The following NME7 variants were observed in gnomAD, a reference collection of about 807,000 sequenced individuals.
NME7 encodes NME/NM23 family member 7, also known as nucleoside diphosphate kinase 7.
In NME7, 41 loss-of-function variants were observed where a neutral mutation model predicts 49.1. The observed-to-expected ratio is 0.83, with a 90% CI of 0.65 to 1.08. NME7 has a LOEUF of 1.08. NME7 is among the 50% of genes least tolerant of loss of function. NME7 has a pLI of 0.00. For synonymous variants in NME7, 139 were observed against 150.6 expected (o/e 0.92, Z 0.56); for missense variants, 423 against 463.4 (o/e 0.91, Z 0.80).
chr1:169,134,773 A>G (rs894262169), intron 11 of NME7, among the ~76,000 whole-genome samples: 2 of 152,144 alleles, frequency 1.3e-5, no homozygotes, highest in African/African-American at 4.8e-5. Context: ...TTGTTCAAGT[A>G]TAGCACTGAA....
At chr1:169,281,399 C>G (rs571596242) in intron 7 of NME7, among the ~76,000 whole-genome samples, 164 of 152,336 alleles carry the variant, frequency 1.1e-3, no homozygotes, top group Non-Finnish European at 1.9e-3. Context: ...CATCTGTAAA[C>G]AGAGACAATT....
At chr1:169,195,527 T>A (rs1021479913) in intron 10 of NME7, among the ~76,000 whole-genome samples, 11 of 152,214 alleles carry the variant, frequency 7.2e-5, no homozygotes, top group African/African-American at 1.4e-4. Context: ...GATACTTTTT[T>A]AAAAAGGTTT....
chr1:169,186,605 G>C (rs999431257), intron 10 of NME7, among the ~76,000 whole-genome samples: 2 of 151,958 alleles, frequency 1.3e-5, no homozygotes, highest in Non-Finnish European at 2.9e-5. Context: ...GGGATTAGTA[G>C]GTGATATCCC....
intron 11 of NME7, among the ~76,000 whole-genome samples, chr1:169,149,106 C>T (rs1029320197): frequency 3.9e-5 from 6 of 152,122 alleles, no homozygotes; most frequent in Admixed American, 6.5e-5. Flanking sequence ...TTTGGGAGGC[C>T]GAGGTGGGTG....
At chr1:169,260,967 A>G (rs2101863147) in intron 7 of NME7, among the ~76,000 whole-genome samples, 1 of 133,778 alleles carries the variant, frequency 7.5e-6, no homozygotes. Context: ...GTGCATACAT[A>G]GAACCTACTG....
At position 169,268,190 on chromosome 1, in the gene NME7, C is replaced by G. The variant is rs181341402; in HGVS notation, c.754+19113G>C. On this transcript the variant is annotated intron_variant, in intron 7 of 11. Transcript: ENST00000367811. The stretch of plus-strand genomic sequence containing the variant: ...TGCAGCCAACAACCATGAAAAAAAG[C>G]TCAATATCACTGATCATTAGAGAAA... 4.1e-3 allele frequency among the ~76,000 whole-genome samples: 554 copies of G among 133,800 alleles called. 155 individuals carry two copies. Among genetic ancestry groups the G allele is most frequent in the Non-Finnish European group, 8.3e-3 (474 of 56,808 alleles). The allele number at this position is 133,800 out of a possible 152,430, so 87.8% of individuals were successfully genotyped here.
At chr1:169,335,724 AATAATAT>A (rs1449228252) in intron 1 of NME7, among the ~76,000 whole-genome samples, 1 of 147,198 alleles carries the variant, frequency 6.8e-6, no homozygotes, top group African/African-American at 2.5e-5. Flanking sequence ...ATATTAAATA[AATAATAT>A]ATATTTAATA....
At position 169,241,887 on chromosome 1, in the gene NME7, G is replaced by A. The variant is rs531038188; in HGVS notation, c.755-4200C>T. 1.6e-4 allele frequency among the ~76,000 whole-genome samples: 25 copies of A among 151,528 alleles called. 1 individual carries two copies. Among genetic ancestry groups the A allele is most frequent in the African/African-American group, 4.3e-4 (18 of 41,434 alleles). On this transcript the variant is annotated intron_variant, in intron 7 of 11. Transcript: ENST00000367811. ...ATCATATGAAGACAGTACAAAAAAC[G>A]AAACTACACTCCAATAGCCCTTATA... is the stretch of plus-strand genomic sequence containing the variant.
chr1:169,339,345 G>A (rs1205161892), intron 1 of NME7, among the ~76,000 whole-genome samples: 1 of 152,160 alleles, frequency 6.6e-6, no homozygotes, highest in East Asian at 1.9e-4. Context: ...TTACCCATGA[G>A]AGATCACTTG....
At chr1:169,274,581 A>G (rs1402377910) in intron 7 of NME7, among the ~76,000 whole-genome samples, 1 of 132,944 alleles carries the variant, frequency 7.5e-6, no homozygotes, top group African/African-American at 2.5e-5. Context: ...GTTTTCTTCT[A>G]GGGTTTTTAT....
intron 1 of NME7, among the ~76,000 whole-genome samples, chr1:169,367,163 A>G (rs1282852541): frequency 6.6e-6 from 1 of 152,050 alleles, no homozygotes; most frequent in Non-Finnish European, 1.5e-5. Context: ...AGAAGAAGAA[A>G]GAAAAGAAAA....
chr1:169,181,250 A>G (rs2101748835), intron 10 of NME7, among the ~76,000 whole-genome samples: 1 of 151,812 alleles, frequency 6.6e-6, no homozygotes, highest in Non-Finnish European at 1.5e-5. Context: ...AATGTTCGTC[A>G]TTATCCTCAA....
At chr1:169,290,928 A>C (rs1357475843) in intron 6 of NME7, among the ~76,000 whole-genome samples, 1 of 152,230 alleles carries the variant, frequency 6.6e-6, no homozygotes, top group African/African-American at 2.4e-5. Context: ...ATCACTGGTC[A>C]TTAGAGAAAT....
chr1:169,327,117 C>T (rs995715662), intron 1 of NME7, among the ~76,000 whole-genome samples: 1 of 152,276 alleles, frequency 6.6e-6, no homozygotes, highest in Middle Eastern at 3.4e-3. Flanking sequence ...TTCCATATCA[C>T]TAGCCTTCCA....
chr1:169,203,953 C>A (rs183893811), intron 10 of NME7, among the ~76,000 whole-genome samples: 1 of 152,138 alleles, frequency 6.6e-6, no homozygotes, highest in East Asian at 1.9e-4. Flanking sequence ...ACCTCCTGGA[C>A]TCAAGTGATC....
At chr1:169,215,155 C>T (rs914763388) in intron 10 of NME7, among the ~76,000 whole-genome samples, 10 of 152,118 alleles carry the variant, frequency 6.6e-5, no homozygotes, top group African/African-American at 2.4e-4. Context: ...GATCTCTCCC[C>T]TGAAGTCAGG....
At chr1:169,252,368 A>C (rs1203619589) in intron 7 of NME7, among the ~76,000 whole-genome samples, 2 of 152,094 alleles carry the variant, frequency 1.3e-5, no homozygotes, top group African/African-American at 4.8e-5. Context: ...CCTTTTGAGA[A>C]GTGTCTGTTC....
chr1:169,154,176 G>T (rs1436290915), intron 11 of NME7, among the ~76,000 whole-genome samples: 1 of 151,194 alleles, frequency 6.6e-6, no homozygotes, highest in Non-Finnish European at 1.5e-5. Context: ...ACTACACCTG[G>T]CTAATTTTTG....
At chr1:169,273,739 A>G (rs1649586146) in intron 7 of NME7, among the ~76,000 whole-genome samples, 1 of 123,042 alleles carries the variant, frequency 8.1e-6, no homozygotes, top group Non-Finnish European at 1.9e-5. Context: ...GCGATAGTTT[A>G]CTGAGAATGA....
Sources: gnomAD v4.1 joint callset for allele counts (sites outside exome capture counted in the v4.1 genomes callset) on GRCh38, gnomAD v4.1.1 for gene constraint, MANE v1.5 for transcripts, NCBI Gene and HGNC (gene_info 2026-07-23, HGNC 2026-07-21) for gene names.